FGF13: variants seen among roughly 807,000 people sequenced by gnomAD.
The protein encoded by FGF13 is fibroblast growth factor homologous factor 2.
A neutral mutation model predicts 19.5 loss-of-function variants in FGF13; 2 were observed. The ratio of observed to expected loss-of-function variants is 0.10; its 90% CI spans 0.04 to 0.32. FGF13 has a LOEUF of 0.32. Ranked by LOEUF, FGF13 falls within the 10% of genes least tolerant of loss-of-function variation. The pLI, the probability that FGF13 is intolerant of heterozygous loss-of-function variation, is 1.00. For missense variants in FGF13, 113 were observed against 192.7 expected (o/e 0.59, Z 2.45); for synonymous variants, 72 against 76.9 (o/e 0.94, Z 0.33).
At chrX:138,686,466 A>G (rs1342406774) in intron 3 of FGF13, among the ~76,000 whole-genome samples, 1 of 111,902 alleles carries the variant, frequency 8.9e-6, no homozygotes, top group African/African-American at 3.2e-5. Context: ...CAAATACTAT[A>G]TGAAGTTTGA....
chrX:139,127,838 C>G (rs993177849), intron 1 of FGF13, among the ~76,000 whole-genome samples: 1 of 111,054 alleles, frequency 9.0e-6, no homozygotes, highest in Non-Finnish European at 1.9e-5. Flanking sequence ...TAATCATTAT[C>G]CCACCAACCC....
At chrX:139,013,507 AT>A (rs2092139807) in intron 1 of FGF13, among the ~76,000 whole-genome samples, 6 of 87,010 alleles carry the variant, frequency 6.9e-5, no homozygotes, top group South Asian at 6.2e-4. Flanking sequence ...ATATATATAT[AT>A]ATATATATAT....
At chrX:139,001,872 G>A (rs774632267) in intron 1 of FGF13, among the ~76,000 whole-genome samples, 32 of 111,752 alleles carry the variant, frequency 2.9e-4, no homozygotes, top group Non-Finnish European at 5.3e-4. Flanking sequence ...TCATTCTACT[G>A]TAAAGACACA....
At chrX:139,038,153 G>A (rs1346146712) in intron 1 of FGF13, among the ~76,000 whole-genome samples, 1 of 111,079 alleles carries the variant, frequency 9.0e-6, no homozygotes, top group South Asian at 3.8e-4. Context: ...TCTCCATGCA[G>A]CTGCTGCCCT....
chrX:138,931,039 AATAC>A (rs2091698877), intron 1 of FGF13, among the ~76,000 whole-genome samples: 1 of 112,725 alleles, frequency 8.9e-6, no homozygotes, highest in Non-Finnish European at 1.9e-5. Flanking sequence ...TATGAATTAT[AATAC>A]ATTAAAAAGG....
chrX:139,120,198 A>C (rs1406191935), intron 1 of FGF13, among the ~76,000 whole-genome samples: 1 of 112,470 alleles, frequency 8.9e-6, no homozygotes, highest in Non-Finnish European at 1.9e-5. Context: ...ACTCTGAGTC[A>C]ATTAAACTTC....
intron 1 of FGF13, among the ~76,000 whole-genome samples, chrX:138,963,156 A>G (rs1267450910): frequency 8.9e-6 from 1 of 112,710 alleles, no homozygotes; most frequent in Non-Finnish European, 1.9e-5. Flanking sequence ...AGGTTCCTAG[A>G]GTCTTTTCTC....
chrX:138,810,595 G>C (rs1353353688), intron 3 of FGF13, among the ~76,000 whole-genome samples: 1 of 111,943 alleles, frequency 8.9e-6, no homozygotes, highest in Non-Finnish European at 1.9e-5. Context: ...TTGACAAATG[G>C]GATCTAATGA....
At chrX:138,808,717 A>G in intron 3 of FGF13, among the ~76,000 whole-genome samples, 2 of 111,606 alleles carry the variant, frequency 1.8e-5, no homozygotes. Flanking sequence ...TAAAGAAGAA[A>G]AGAGAGAAGA....
intron 1 of FGF13, among the ~76,000 whole-genome samples, chrX:139,013,478 T>TA (rs2092138510): frequency 1.1e-4 from 6 of 56,560 alleles, no homozygotes; most frequent in Admixed American, 5.3e-4. Context: ...TAAAGAAAAT[T>TA]TTATATATAT....
chrX:139,132,178 C>T (rs2083767034), intron 1 of FGF13, among the ~76,000 whole-genome samples: 1 of 111,689 alleles, frequency 9.0e-6, no homozygotes, highest in Admixed American at 9.6e-5. Context: ...ACTTCCTCTG[C>T]CCACCATTTC....
intron 3 of FGF13, among the ~76,000 whole-genome samples, chrX:138,642,370 T>A (rs2124110681): frequency 8.9e-6 from 1 of 111,972 alleles, no homozygotes; most frequent in South Asian, 3.7e-4. Flanking sequence ...CTGCAAATAG[T>A]TAAGTGTTTC....
chrX:138,833,693 C>T (rs941552645), intron 3 of FGF13, among the ~76,000 whole-genome samples: 28 of 111,670 alleles, frequency 2.5e-4, no homozygotes, highest in African/African-American at 9.1e-4. Context: ...TCCAATACTA[C>T]GTTGAATAAG....
chrX:138,696,817 C>A (rs1453158248), intron 3 of FGF13, among the ~76,000 whole-genome samples: 1 of 111,982 alleles, frequency 8.9e-6, no homozygotes, highest in African/African-American at 3.2e-5. Context: ...GCTGCCATCT[C>A]GGGCTTTTCC....
At chrX:138,683,204 A>C (rs2089745862) in intron 3 of FGF13, among the ~76,000 whole-genome samples, 1 of 111,342 alleles carries the variant, frequency 9.0e-6, no homozygotes, top group African/African-American at 3.3e-5. Flanking sequence ...TATGTCATAA[A>C]ATTCCTATTT....
intron 1 of FGF13, among the ~76,000 whole-genome samples, chrX:139,185,260 T>C (rs2084273891): frequency 1.8e-5 from 2 of 112,451 alleles, no homozygotes. Flanking sequence ...TAGCTAGAAG[T>C]TCATGTTACT....
chrX:139,203,239 C>A (rs1452666156), intron 1 of FGF13, among the ~76,000 whole-genome samples: 1 of 111,274 alleles, frequency 9.0e-6, no homozygotes, highest in Non-Finnish European at 1.9e-5. Context: ...GTCGGGTGCC[C>A]CGGGCGCGGT....
At chrX:138,743,709 A>C (rs2090335569), upstream of FGF13, among the ~76,000 whole-genome samples, 1 of 111,621 alleles carries the variant, frequency 9.0e-6, no homozygotes, top group Non-Finnish European at 1.9e-5. Context: ...TATTTTTAAA[A>C]CTTGTACTGG....
At chrX:139,185,218 T>C (rs1329855964) in intron 1 of FGF13, among the ~76,000 whole-genome samples, 1 of 112,176 alleles carries the variant, frequency 8.9e-6, no homozygotes, top group African/African-American at 3.2e-5. Flanking sequence ...ATTTCTTCAT[T>C]ATGGCAAATC....
Sources: allele counts gnomAD v4.1 joint callset (sites outside exome capture counted in the v4.1 genomes callset), GRCh38; gene constraint gnomAD v4.1.1; transcripts MANE v1.5; gene names NCBI Gene and HGNC (gene_info 2026-07-23, HGNC 2026-07-21).